Variants in SAMD5 observed in about 807,000 individuals in gnomAD.
SAMD5 encodes sterile alpha motif domain-containing protein 5.
In SAMD5, 13 loss-of-function variants were observed where a neutral mutation model predicts 11.3. The observed-to-expected ratio is 1.15, with a 90% confidence interval of 0.75 to 1.83. The LOEUF (loss-of-function observed/expected upper bound fraction) is 1.83, where lower values mean the gene tolerates loss of function less well. SAMD5 is among the 40% of genes most tolerant of loss of function. SAMD5 has a pLI of 0.00. For synonymous variants in SAMD5, 129 were observed against 111.3 expected (o/e 1.16, Z -1.00); for missense variants, 255 against 239.1 (o/e 1.07, Z -0.44).
In SAMD5 at chr6:147,702,084, G is replaced by A. The variant is rs189669005; in HGVS notation, c.163-35233G>A. ...GGACTCACATTTCCACATGGCTGAG[G>A]AAGCCTCACCATCATGGCGGAAGAC... is the stretch of plus-strand genomic sequence containing the variant. On this transcript the variant is annotated intron_variant, in intron 1 of 1. Coordinates refer to the SAMD5 transcript ENST00000566741. Among the ~76,000 whole-genome samples the A allele has an allele frequency of 8.5e-5, 13 of 152,334 alleles. No individual in the cohort carries two copies. The East Asian group carries it at 2.3e-3, about 27-fold the overall frequency.
chr6:147,799,571 A>C, the SAMD5 span, among the ~76,000 whole-genome samples: 1 of 151,546 alleles, frequency 6.6e-6, no homozygotes, highest in East Asian at 1.9e-4. Flanking sequence ...CTCGAGGAGT[A>C]TCTTTGTGGC....
At position 147,565,543 on chromosome 6, in the gene SAMD5, T is replaced by C; in HGVS notation, c.*1087T>C. 4.5e-6 allele frequency: 3 copies of C among 670,644 alleles called. No individual in the cohort carries two copies. In the South Asian group the frequency reaches 2.0e-4, roughly 45 times the overall value. The allele number at this position is 670,644 out of a possible 1,614,324, so 41.5% of individuals were successfully genotyped here. ...GCACAATCTTGGCTCACAGTGACTT[T>C]CGCCTCCCAGGTTCAAGGAATTCTC... On this transcript the variant is annotated 3_prime_UTR_variant, in exon 2 of 2. Transcript: ENST00000367474.
intron 1 of SAMD5, among the ~76,000 whole-genome samples, chr6:147,517,142 C>T (rs1482136329): frequency 6.6e-6 from 1 of 152,134 alleles, no homozygotes; most frequent in African/African-American, 2.4e-5. Flanking sequence ...TCACTAGATC[C>T]AAACAGCATA....
chr6:147,887,938 C>T, the SAMD5 span, among the ~76,000 whole-genome samples: 1 of 152,082 alleles, frequency 6.6e-6, no homozygotes, highest in Non-Finnish European at 1.5e-5. Context: ...AACATCTTTT[C>T]ATGTTCTTAT....
chr6:147,555,060 C>T (rs563769795), intron 1 of SAMD5, among the ~76,000 whole-genome samples: 12 of 152,298 alleles, frequency 7.9e-5, no homozygotes, highest in South Asian at 2.1e-4. Flanking sequence ...CATATGCACA[C>T]CCACATATAC....
chr6:147,945,079 C>A, the SAMD5 span, among the ~76,000 whole-genome samples: 1 of 152,226 alleles, frequency 6.6e-6, no homozygotes, highest in South Asian at 2.1e-4. Flanking sequence ...ATCTCTCTTC[C>A]TGTCCAAATG....
In SAMD5 at chr6:147,565,464, GTTTT is replaced by G. The variant is rs5880711; in HGVS notation, c.*1018_*1021del. Reference sequence around the variant, plus strand: ...TCGTTCTTGTGTTTGGATGCTGGTAGTTTTTTTTTTTTTAGACAGAGTCTCGCTC... The same window carrying G: ...TCGTTCTTGTGTTTGGATGCTGGTAGTTTTTTTTTAGACAGAGTCTCGCTC... On this transcript the variant is annotated 3_prime_UTR_variant, in exon 2 of 2. Coordinates refer to ENST00000367474, the MANE Select transcript of SAMD5 (RefSeq NM_001030060.3). The G allele has an allele frequency of 5.6e-6, 5 of 888,780 alleles. No homozygotes were observed. Among genetic ancestry groups the G allele is most frequent in the Non-Finnish European group, 6.7e-6 (5 of 745,620 alleles). The allele number at this position is 888,780 out of a possible 1,614,324, so 55.1% of individuals were successfully genotyped here.
chr6:147,801,669 C>T, the SAMD5 span, among the ~76,000 whole-genome samples: 1 of 152,144 alleles, frequency 6.6e-6, no homozygotes, highest in Admixed American at 6.5e-5. Context: ...ACTCCACATT[C>T]ACTCTGGCTT....
At chr6:147,933,869 G>A in the SAMD5 span, among the ~76,000 whole-genome samples, 2 of 152,146 alleles carry the variant, frequency 1.3e-5, no homozygotes, top group Non-Finnish European at 2.9e-5. Context: ...CAGATTATGT[G>A]CCAAAATAGG....
At chr6:147,619,704 A>G (rs1048837441) in intron 1 of SAMD5, among the ~76,000 whole-genome samples, 9 of 152,240 alleles carry the variant, frequency 5.9e-5, no homozygotes, top group Non-Finnish European at 1.0e-4. Context: ...TAGCAGTATC[A>G]GGGCCTACAG....
chr6:147,669,420 CTTTTTTTTTTTTTTT>C lies in SAMD5; in HGVS notation c.163-67886_163-67872del, dbSNP rs55877273. The stretch of plus-strand genomic sequence containing the variant: ...TCAGTTGCATCTTCAAGCTCCACTT[CTTTTTTTTTTTTTTT>C]TTTTTTTTTTGAGACAGAGTTTCAT... On this transcript the variant is annotated intron_variant, in intron 1 of 1. Coordinates refer to the SAMD5 transcript ENST00000566741. Among the ~76,000 whole-genome samples, 132 of 74,524 alleles carry C rather than the reference CTTTTTTTTTTTTTTT, an allele frequency of 1.8e-3. 3 individuals are homozygous for C. The East Asian group carries it at 0.051, about 29-fold the overall frequency. 48.9% of individuals were successfully genotyped at this position (74,524 alleles called of 152,430 possible).
intron 1 of SAMD5, among the ~76,000 whole-genome samples, chr6:147,533,251 G>T (rs1788456687): frequency 6.6e-6 from 1 of 151,778 alleles, no homozygotes; most frequent in South Asian, 2.1e-4. Context: ...TTAGGTAAAG[G>T]GCCTGAGGCC....
At chr6:147,520,683 AT>A (rs1374659668) in intron 1 of SAMD5, among the ~76,000 whole-genome samples, 1 of 152,076 alleles carries the variant, frequency 6.6e-6, no homozygotes, top group African/African-American at 2.4e-5. Flanking sequence ...GAGTCAGGCT[AT>A]TTTTTTGTCA....
At chr6:147,809,028 A>T in the SAMD5 span, among the ~76,000 whole-genome samples, 1 of 152,156 alleles carries the variant, frequency 6.6e-6, no homozygotes, top group Non-Finnish European at 1.5e-5. Context: ...TGGATTTTGG[A>T]TTGCATGTAT....
At chr6:147,906,936 T>G in the SAMD5 span, among the ~76,000 whole-genome samples, 2 of 152,166 alleles carry the variant, frequency 1.3e-5, no homozygotes, top group Non-Finnish European at 2.9e-5. Context: ...ACAAATAGTT[T>G]TTTCAAAGGT....
the SAMD5 span, among the ~76,000 whole-genome samples, chr6:147,754,218 G>C: frequency 2.6e-5 from 4 of 151,934 alleles, no homozygotes; most frequent in African/African-American, 7.3e-5. Context: ...ATTTATTATT[G>C]CTTGTCTTTT....
the SAMD5 span, among the ~76,000 whole-genome samples, chr6:147,900,801 T>A: frequency 1.3e-5 from 2 of 152,190 alleles, no homozygotes; most frequent in Non-Finnish European, 2.9e-5. Context: ...ACCTGTCATG[T>A]TTTTATTATG....
intron 1 of SAMD5, among the ~76,000 whole-genome samples, chr6:147,698,449 C>T (rs994880343): frequency 1.3e-5 from 2 of 152,126 alleles, no homozygotes; most frequent in Non-Finnish European, 1.5e-5. Flanking sequence ...CAGCTAACTC[C>T]TCCTTGTTTT....
Position 147,555,705 on chromosome 6 carries a change from T to C in SAMD5, c.460-8689T>C, listed in dbSNP as rs140873597. On this transcript the variant is annotated intron_variant, in intron 1 of 1. Coordinates refer to ENST00000367474, the MANE Select transcript of SAMD5 (RefSeq NM_001030060.3). ...ATGGGGGAAAAAGTCAATCAAAAGT[T>C]GAAGATTGACCAATGATTTTAATGT... is the stretch of plus-strand genomic sequence containing the variant. Among the ~76,000 whole-genome samples, 623 of 152,318 alleles carry C rather than the reference T, an allele frequency of 4.1e-3. 3 individuals carry two copies. The highest frequency in any genetic ancestry group is 0.014 in the African/African-American group (584 of 41,564).
Sources: gnomAD v4.1 joint callset for allele counts (sites outside exome capture counted in the v4.1 genomes callset) on GRCh38, gnomAD v4.1.1 for gene constraint, MANE v1.5 for transcripts, NCBI Gene and HGNC (gene_info 2026-07-23, HGNC 2026-07-21) for gene names.